Variants in SPAG16 observed in about 807,000 individuals in gnomAD.
SPAG16 encodes the protein sperm associated antigen 16.
In SPAG16, 86 loss-of-function variants were observed where a neutral mutation model predicts 80.4. The ratio of observed to expected loss-of-function variants is 1.07; its 90% CI spans 0.90 to 1.28. SPAG16 has a LOEUF of 1.28. Ranked by LOEUF, SPAG16 falls within the 50% of genes most tolerant of loss-of-function variation. The pLI is 0.00. For missense variants in SPAG16, 870 were observed against 765.3 expected (o/e 1.14, Z -1.61); for synonymous variants, 294 against 265.9 (o/e 1.11, Z -1.03).
chr2:214,310,161 C>CT (rs1365905147), intron 15 of SPAG16, among the ~76,000 whole-genome samples: 3 of 131,920 alleles, frequency 2.3e-5, no homozygotes, highest in Non-Finnish European at 4.9e-5. Context: ...CATTTTCTTT[C>CT]TTTCTTTTTT....
At chr2:213,423,128 C>A (rs567927274) in intron 9 of SPAG16, among the ~76,000 whole-genome samples, 1 of 152,186 alleles carries the variant, frequency 6.6e-6, no homozygotes, top group African/African-American at 2.4e-5. Context: ...AATCATTCTT[C>A]TCTCTGGATT....
intron 10 of SPAG16, among the ~76,000 whole-genome samples, chr2:213,645,793 G>A (rs1175222634): frequency 6.6e-6 from 1 of 152,136 alleles, no homozygotes; most frequent in Non-Finnish European, 1.5e-5. Context: ...CCAGTCAACT[G>A]TCTGTGAGCC....
At chr2:214,118,273 C>G (rs763525102) in intron 14 of SPAG16, among the ~76,000 whole-genome samples, 7 of 151,948 alleles carry the variant, frequency 4.6e-5, no homozygotes, top group African/African-American at 7.3e-5. Flanking sequence ...TAAGTTTAAA[C>G]AAAAACATGA....
At chr2:213,361,415 A>AATAT (rs139385898) in intron 7 of SPAG16, among the ~76,000 whole-genome samples, 15 of 148,124 alleles carry the variant, frequency 1.0e-4, no homozygotes, top group South Asian at 4.2e-4. Flanking sequence ...ACTAAATCTA[A>AATAT]ATATATATAT....
chr2:213,297,104 A>G, intron 2 of SPAG16, 158 bp from the exon 3 acceptor site: 1 of 1,474,622 alleles, frequency 6.8e-7, no homozygotes, highest in Non-Finnish European at 9.0e-7. Context: ...AGAAGAAAGC[A>G]GTTATTCATT....
At chr2:213,860,964 A>G (rs1278312141) in intron 10 of SPAG16, among the ~76,000 whole-genome samples, 2 of 152,074 alleles carry the variant, frequency 1.3e-5, no homozygotes, top group East Asian at 3.9e-4. Flanking sequence ...ACCTCTCATC[A>G]TATTTTTCTT....
chr2:213,666,822 C>A (rs921514740), intron 10 of SPAG16, among the ~76,000 whole-genome samples: 1 of 152,154 alleles, frequency 6.6e-6, no homozygotes, highest in African/African-American at 2.4e-5. Flanking sequence ...AAGGAAAGTG[C>A]AGGAGTTCAG....
intron 15 of SPAG16, among the ~76,000 whole-genome samples, chr2:214,382,652 A>C (rs1453907685): frequency 1.3e-5 from 2 of 152,236 alleles, no homozygotes; most frequent in Admixed American, 6.5e-5. Context: ...AGTATATGAC[A>C]TTAGTCTATG....
chr2:214,195,207 A>G (rs1268588975), intron 15 of SPAG16, among the ~76,000 whole-genome samples: 4 of 150,924 alleles, frequency 2.7e-5, no homozygotes, highest in Non-Finnish European at 4.4e-5. Flanking sequence ...AGGGTGGAAA[A>G]TTCTTTGCAA....
chr2:214,302,052 G>A (rs1694590478), intron 15 of SPAG16, among the ~76,000 whole-genome samples: 1 of 151,994 alleles, frequency 6.6e-6, no homozygotes, highest in Admixed American at 6.6e-5. Context: ...AGTTATTCAG[G>A]AGCAAGTTGT....
chr2:214,237,922 T>C (rs1689188532), intron 15 of SPAG16, among the ~76,000 whole-genome samples: 1 of 152,184 alleles, frequency 6.6e-6, no homozygotes, highest in African/African-American at 2.4e-5. Context: ...GTTTCATGTA[T>C]AGAAACCATG....
At chr2:213,632,994 T>C (rs2062213871) in intron 10 of SPAG16, among the ~76,000 whole-genome samples, 1 of 152,134 alleles carries the variant, frequency 6.6e-6, no homozygotes, top group African/African-American at 2.4e-5. Context: ...GTAGAAGGAG[T>C]TTGGAAGTAC....
intron 10 of SPAG16, among the ~76,000 whole-genome samples, chr2:213,666,667 G>GTGT (rs2063616571): frequency 6.6e-6 from 1 of 152,124 alleles, no homozygotes; most frequent in Non-Finnish European, 1.5e-5. Flanking sequence ...AAGACCCACT[G>GTGT]CTATTCGTTT....
At chr2:214,390,023 C>T (rs138508751) in intron 15 of SPAG16, among the ~76,000 whole-genome samples, 56 of 152,170 alleles carry the variant, frequency 3.7e-4, no homozygotes, top group African/African-American at 9.9e-4. Context: ...TACTGAAGCC[C>T]GACACTATGT....
At chr2:214,298,532 A>ACTAT (rs1359958607) in intron 15 of SPAG16, among the ~76,000 whole-genome samples, 1 of 152,170 alleles carries the variant, frequency 6.6e-6, no homozygotes, top group Non-Finnish European at 1.5e-5. Flanking sequence ...CAGAAAATTC[A>ACTAT]CTATCTTGTA....
At chr2:213,695,536 A>G (rs1348627450) in intron 10 of SPAG16, among the ~76,000 whole-genome samples, 3 of 152,232 alleles carry the variant, frequency 2.0e-5, no homozygotes, top group Admixed American at 2.0e-4. Flanking sequence ...GGAGGTAATC[A>G]GCTGTTAGAA....
At chr2:213,930,178 G>T (rs1442398757) in intron 12 of SPAG16, 33 bp downstream of exon 12, 1 of 1,532,870 alleles carries the variant, frequency 6.5e-7, no homozygotes, top group Non-Finnish European at 8.9e-7. Flanking sequence ...CTAATCCTCT[G>T]TGCTGATACA....
At chr2:213,640,408 C>T (rs2062541542) in intron 10 of SPAG16, among the ~76,000 whole-genome samples, 1 of 152,124 alleles carries the variant, frequency 6.6e-6, no homozygotes, top group Admixed American at 6.5e-5. Flanking sequence ...ACAGGAGCTG[C>T]TGTTCAGATT....
At chr2:213,863,454 A>T (rs543899812) in intron 11 of SPAG16, among the ~76,000 whole-genome samples, 5 of 152,128 alleles carry the variant, frequency 3.3e-5, no homozygotes, top group African/African-American at 1.2e-4. Context: ...ATGAAATTAG[A>T]TAAAAAAATT....
Sources: gnomAD v4.1 joint callset for allele counts (sites outside exome capture counted in the v4.1 genomes callset) on GRCh38, gnomAD v4.1.1 for gene constraint, MANE v1.5 for transcripts, NCBI Gene and HGNC (gene_info 2026-07-23, HGNC 2026-07-21) for gene names.